The following ESR2 variants were observed in gnomAD, a reference collection of about 807,000 sequenced individuals.
ESR2 encodes estrogen receptor 2.
ESR2 carries 36 observed loss-of-function variants against 49.6 expected under a neutral mutation model. That is an observed-to-expected ratio of 0.73 (90% CI 0.56 to 0.96). The LOEUF is 0.96. Among genes scored for constraint, ESR2 ranks in the 40% least tolerant of loss-of-function variants. The pLI, the probability that ESR2 is intolerant of heterozygous loss-of-function variation, is 0.00. For missense variants in ESR2, 714 were observed against 693.0 expected, an observed-to-expected ratio of 1.03 and a Z score of -0.34; for synonymous variants, 320 against 266.1, an observed-to-expected ratio of 1.20 and a Z score of -1.97.
chr14:64,308,501 T>C (rs2077140784), intron 1 of ESR2, among the ~76,000 whole-genome samples: 1 of 152,202 alleles, frequency 6.6e-6, no homozygotes, highest in African/African-American at 2.4e-5. Context: ...TTTCTAGATA[T>C]CCTTTTTATT....
chr14:64,313,411 G>A lies in ESR2; in HGVS notation c.-91+24487C>T, dbSNP rs1368322129. On this transcript the variant is annotated intron_variant, in intron 1 of 8. Coordinates refer to the ESR2 transcript ENST00000358599. ...CAGCCAGATGTGGTGGTGCACACCT[G>A]TAGTCTCAGCTACTCTGGAGGCTGA... is the stretch of plus-strand genomic sequence containing the variant. 2.0e-5 allele frequency among the ~76,000 whole-genome samples: 3 copies of A among 151,650 alleles called. No individual in the cohort carries two copies. The Admixed American group carries it at 2.0e-4, about 10-fold the overall frequency.
intron 1 of ESR2, among the ~76,000 whole-genome samples, chr14:64,287,158 T>A (rs371519280): frequency 6.6e-6 from 1 of 152,088 alleles, no homozygotes; most frequent in African/African-American, 2.4e-5. Context: ...CTAGAACTCA[T>A]TTCATCTTGC....
intron 1 of ESR2, among the ~76,000 whole-genome samples, chr14:64,291,820 T>C (rs1379605601): frequency 1.3e-5 from 2 of 152,162 alleles, no homozygotes; most frequent in East Asian, 1.9e-4. Flanking sequence ...TCATTTTCAA[T>C]CCCTGTTTTG....
rs950889130 is a variant in ESR2 at position 64,230,537 on chromosome 14, T to C, written c.*2600A>G. On this transcript the variant is annotated 3_prime_UTR_variant, in exon 9 of 9. Transcript: ENST00000341099. ...CAGCTCCTGCCGATTTTGCACTATT[T>C]TTAATGCAGTTGAGTCTTCAGATTT... 2.0e-5 allele frequency among the ~76,000 whole-genome samples: 3 copies of C among 152,156 alleles called. No homozygotes were observed. The highest frequency in any genetic ancestry group is 4.8e-5 in the African/African-American group (2 of 41,434).
At chr14:64,251,226 A>G (rs1417411946) in intron 6 of ESR2, among the ~76,000 whole-genome samples, 1 of 152,074 alleles carries the variant, frequency 6.6e-6, no homozygotes, top group East Asian at 1.9e-4. Context: ...CCTGCGGACA[A>G]TTAATTATTG....
downstream of ESR2, chr14:64,227,110 T>G (rs957266133): frequency 1.7e-5 from 3 of 171,664 alleles, no homozygotes; most frequent in Admixed American, 1.8e-4. Context: ...CCTTTCTTAT[T>G]GGAAGATACT....
At chr14:64,262,526 G>C (rs1256741248) in intron 4 of ESR2, among the ~76,000 whole-genome samples, 8 of 152,020 alleles carry the variant, frequency 5.3e-5, no homozygotes, top group Admixed American at 5.2e-4. Context: ...TTCTTTTTTG[G>C]GAAGATAGAA....
At chr14:64,271,295 G>C (rs2076440239) in intron 3 of ESR2, among the ~76,000 whole-genome samples, 1 of 150,784 alleles carries the variant, frequency 6.6e-6, no homozygotes, top group Non-Finnish European at 1.5e-5. Context: ...CAACCAACCT[G>C]CTACTTTATC....
chr14:64,283,909 C>G (rs866603340), intron 1 of ESR2, among the ~76,000 whole-genome samples: 1 of 151,786 alleles, frequency 6.6e-6, no homozygotes, highest in Non-Finnish European at 1.5e-5. Flanking sequence ...TGTTGCTTCT[C>G]AGTTTTGTTT....
At chr14:64,311,991 G>T (rs2077193222) in intron 1 of ESR2, among the ~76,000 whole-genome samples, 1 of 152,124 alleles carries the variant, frequency 6.6e-6, no homozygotes, top group Admixed American at 6.6e-5. Flanking sequence ...AAATATGTTT[G>T]ATGGTTAAAG....
chr14:64,285,953 G>T (rs77700773), intron 1 of ESR2, among the ~76,000 whole-genome samples: 5,199 of 152,218 alleles, frequency 0.034, 136 homozygotes, highest in Middle Eastern at 0.086. Context: ...TCATAAGGAA[G>T]TGAGGAAATG....
At chr14:64,272,499 G>A (rs374724442) in intron 3 of ESR2, among the ~76,000 whole-genome samples, 9 of 152,170 alleles carry the variant, frequency 5.9e-5, no homozygotes, top group Non-Finnish European at 1.0e-4. Context: ...GAGTTTCCCC[G>A]TGTTTTCTTT....
In ESR2 at chr14:64,310,090, A is replaced by T. The variant is rs546033880; in HGVS notation, c.-90-27015T>A. On this transcript the variant is annotated intron_variant, in intron 1 of 8. Coordinates refer to the ESR2 transcript ENST00000358599. ...GACAGAGCGAGACTCCGTCTTAAAA[A>T]AAAGAAAGCTCGTCTCTACTAAAAA... is the stretch of plus-strand genomic sequence containing the variant. 2.0e-5 allele frequency among the ~76,000 whole-genome samples: 3 copies of T among 151,076 alleles called. No individual in the cohort carries two copies. The East Asian group carries it at 5.9e-4, about 30-fold the overall frequency.
At chr14:64,308,166 C>A (rs2077133915) in intron 1 of ESR2, among the ~76,000 whole-genome samples, 1 of 152,128 alleles carries the variant, frequency 6.6e-6, no homozygotes, top group Non-Finnish European at 1.5e-5. Flanking sequence ...AAGTGCATGA[C>A]ACCCTGCCCA....
At chr14:64,249,513 G>A (rs546290724) in intron 7 of ESR2, 33 bp downstream of exon 7, 61 of 1,603,258 alleles carry the variant, frequency 3.8e-5, no homozygotes, top group Non-Finnish European at 4.8e-5. Flanking sequence ...ATCTCTCCCC[G>A]ATAAAACATG....
intron 1 of ESR2, among the ~76,000 whole-genome samples, chr14:64,286,898 G>A (rs1300704336): frequency 6.6e-6 from 1 of 151,612 alleles, no homozygotes; most frequent in Non-Finnish European, 1.5e-5. Flanking sequence ...TGTATTTTTA[G>A]TAGAGATGGG....
chr14:64,280,767 T>C (rs923545971), intron 2 of ESR2, among the ~76,000 whole-genome samples: 6 of 152,230 alleles, frequency 3.9e-5, no homozygotes, highest in Non-Finnish European at 7.3e-5. Context: ...CCTAGCACAT[T>C]GGGGAGCCAA....
At chr14:64,331,761 T>C (rs2077461878) in intron 1 of ESR2, among the ~76,000 whole-genome samples, 1 of 148,040 alleles carries the variant, frequency 6.8e-6, no homozygotes, top group Non-Finnish European at 1.5e-5. Flanking sequence ...GAGGTGGAGG[T>C]TGCATGAGCC....
chr14:64,233,446 G>T, intron 8 of ESR2, 123 bp from the exon 9 acceptor site: 2 of 907,982 alleles, frequency 2.2e-6, no homozygotes, highest in Non-Finnish European at 3.4e-6. Flanking sequence ...TCTTCCCCCA[G>T]CCCATTTATC....
Sources: gnomAD v4.1 joint callset for allele counts (sites outside exome capture counted in the v4.1 genomes callset) on GRCh38, gnomAD v4.1.1 for gene constraint, MANE v1.5 for transcripts, NCBI Gene and HGNC (gene_info 2026-07-23, HGNC 2026-07-21) for gene names.